COL4A4: variants seen among roughly 807,000 people sequenced by gnomAD.
COL4A4 encodes the protein collagen alpha-4(IV) chain.
In COL4A4, 105 loss-of-function variants were observed where a neutral mutation model predicts 192.9. That is an observed-to-expected ratio of 0.54 (90% CI 0.46 to 0.64). COL4A4 has a LOEUF of 0.64. Ranked by LOEUF, COL4A4 falls within the 30% of genes least tolerant of loss-of-function variation. The probability of loss-of-function intolerance (pLI) is 0.00; values close to 1 mark genes in which losing one functional copy is unlikely to be tolerated. For synonymous variants in COL4A4, 762 were observed against 769.9 expected (o/e 0.99, Z 0.17); for missense variants, 1,967 against 2,169.3 (o/e 0.91, Z 1.85).
In COL4A4 at chr2:227,089,884, G is replaced by A. The variant is rs1204380807; in HGVS notation, c.1443C>T (p.Gly481=). The A allele has an allele frequency of 1.2e-6, 2 of 1,613,194 alleles. No individual in the cohort carries two copies. The highest frequency in any genetic ancestry group is 2.7e-5 in the African/African-American group (2 of 74,788). Residue 481 remains glycine (G), a synonymous_variant, in exon 21 of 48, where the codon GGC becomes GGT. Coordinates refer to ENST00000396625, the MANE Select transcript of COL4A4 (RefSeq NM_000092.5). ...KGKVGPPGGR[G]PKGEKGNEGL... is the part of the protein sequence containing the mutation. ...CCTACTTGCCTTTTTCTCCTTTTGG[G>A]CCTCTTCCTCCTGGGGGACCAACTT... is the stretch of plus-strand genomic sequence containing the variant.
intron 37 of COL4A4, among the ~76,000 whole-genome samples, chr2:227,041,822 A>C (rs1253577452): frequency 2.5e-5 from 1 of 39,800 alleles, no homozygotes. Flanking sequence ...GAAAGAAAGA[A>C]AGAAAGAAAG....
intron 12 of COL4A4, 137 bp from the exon 13 acceptor site, chr2:227,104,189 G>C: frequency 1.3e-6 from 1 of 745,410 alleles, no homozygotes; most frequent in Non-Finnish European, 2.4e-6. Flanking sequence ...GTACATCATA[G>C]AATATAAAAG....
At chr2:227,069,143 AG>A (rs1385816783) in intron 25 of COL4A4, among the ~76,000 whole-genome samples, 1 of 139,714 alleles carries the variant, frequency 7.2e-6, no homozygotes, top group Non-Finnish European at 1.6e-5. Flanking sequence ...TAAAATACCT[AG>A]GAATCCAACT....
At chr2:227,096,827 A>C (rs920128669) in intron 19 of COL4A4, among the ~76,000 whole-genome samples, 1 of 152,178 alleles carries the variant, frequency 6.6e-6, no homozygotes, top group African/African-American at 2.4e-5. Flanking sequence ...ACTAAATGCT[A>C]AGGTGGGATT....
the COL4A4 span, among the ~76,000 whole-genome samples, chr2:226,983,992 A>C: frequency 6.6e-6 from 1 of 152,236 alleles, no homozygotes; most frequent in African/African-American, 2.4e-5. Flanking sequence ...CTGCTCGTAT[A>C]GGAGGGTGAG....
chr2:227,012,541 T>C (rs1963969648), intron 44 of COL4A4, among the ~76,000 whole-genome samples: 1 of 146,702 alleles, frequency 6.8e-6, no homozygotes, highest in Non-Finnish European at 1.5e-5. Context: ...AGTGATCCCA[T>C]AAAGGGCTAG....
At chr2:227,037,216 C>T (rs931149604) in intron 37 of COL4A4, among the ~76,000 whole-genome samples, 1 of 152,136 alleles carries the variant, frequency 6.6e-6, no homozygotes, top group Non-Finnish European at 1.5e-5. Context: ...GGTATTTCTC[C>T]TAATGCTATC....
rs1422059045 is a variant in COL4A4, at chr2:227,059,477, C to T, written c.2311G>A (p.Gly771Arg). Reference sequence around the variant, plus strand: ...GGCACTCCTGAAAGACCCCTCTTTCCCGGGGGTCCCAGGTGACCAAATGCA... The same window carrying T: ...GGCACTCCTGAAAGACCCCTCTTTCTCGGGGGTCCCAGGTGACCAAATGCA... Reference protein sequence around the residue: ...DPAFGHLGPPGKRGLSGVPGI... With the variant: ...DPAFGHLGPPRKRGLSGVPGI... The change falls in exon 28 of 48, where the codon GGA becomes AGA. Residue 771 changes from glycine to arginine, a missense_variant. Physicochemically the swap from Gly to Arg is moderately radical, Grantham distance 125. Coordinates refer to ENST00000396625, the MANE Select transcript of COL4A4 (RefSeq NM_000092.5). 4 of 1,614,124 alleles carry T rather than the reference C, an allele frequency of 2.5e-6. No individual in the cohort carries two copies. Among genetic ancestry groups the T allele is most frequent in the East Asian group, 2.2e-5 (1 of 44,874 alleles).
At chr2:226,997,735 G>A (rs956920025), downstream of COL4A4, 4 of 152,128 alleles carry the variant, frequency 2.6e-5, no homozygotes, top group African/African-American at 4.8e-5. Flanking sequence ...ATTGTGATAC[G>A]CATGGCTGTT....
chr2:227,022,037 G>A lies in COL4A4; in HGVS notation c.4216+11C>T, dbSNP rs117468095. ...CATGAAAATAATGAACAATCAGCAT[G>A]CGGCTCATACCTGGTCCTGAGGGGC... On this transcript the variant is annotated intron_variant, in intron 44 of 47. Coordinates refer to ENST00000396625, the MANE Select transcript of COL4A4 (RefSeq NM_000092.5). 1.3e-4 allele frequency: 202 copies of A among 1,611,850 alleles called. No homozygotes were observed. The East Asian group carries it at 4.0e-3, about 32-fold the overall frequency.
rs1380965387 is a variant in COL4A4 at position 227,077,926 on chromosome 2, A to G, written c.1955T>C (p.Val652Ala). 6.2e-7 allele frequency: 1 copy of G among 1,613,364 alleles called. No individual in the cohort carries two copies. The highest frequency in any genetic ancestry group is 1.3e-5 in the African/African-American group (1 of 74,896). Residue 652 changes from valine to alanine, a missense_variant, in exon 25 of 48, where the codon GTG becomes GCG. Transcript: ENST00000396625. ...ACCCTTCAAGCCATCAGGGCCCCTCACACCTGGGTGGCCTGGAACTCCTGG... is the reference window on the plus strand; with the variant it reads ...ACCCTTCAAGCCATCAGGGCCCCTCGCACCTGGGTGGCCTGGAACTCCTGG... ...GHPGVPGHPG[V>A]RGPDGLKGQK...
intron 25 of COL4A4, among the ~76,000 whole-genome samples, chr2:227,073,522 T>C (rs772585509): frequency 8.5e-5 from 13 of 152,090 alleles, no homozygotes; most frequent in Non-Finnish European, 1.6e-4. Flanking sequence ...CACATCATTT[T>C]TCATAGAATT....
chr2:226,978,959 A>G, the COL4A4 span, among the ~76,000 whole-genome samples: 1 of 152,170 alleles, frequency 6.6e-6, no homozygotes, highest in African/African-American at 2.4e-5. Context: ...AGAGTTCTTC[A>G]GAGGGACAGA....
rs1034020431 is a variant in COL4A4 at position 227,106,888 on chromosome 2, C to A, written c.735+1693G>T. Among the ~76,000 whole-genome samples, 13 of 152,208 alleles carry A rather than the reference C, an allele frequency of 8.5e-5. 1 individual carries two copies. The highest frequency in any genetic ancestry group is 1.3e-4 in the Admixed American group (2 of 15,280). ...GCCCAAAATTGTAAAATTATGTGTTCATTCACCTGACAATCTAAAAGAATT... is the reference window on the plus strand; with the variant it reads ...GCCCAAAATTGTAAAATTATGTGTTAATTCACCTGACAATCTAAAAGAATT... On this transcript the variant is annotated intron_variant, in intron 12 of 47. Transcript: ENST00000396625.
intron 4 of COL4A4, among the ~76,000 whole-genome samples, chr2:227,134,923 T>G (rs920199792): frequency 6.6e-6 from 1 of 152,248 alleles, no homozygotes; most frequent in Admixed American, 6.5e-5. Context: ...CTGTGGACAG[T>G]GTCTTTATTA....
intron 4 of COL4A4, among the ~76,000 whole-genome samples, chr2:227,132,718 G>A (rs1024001374): frequency 6.6e-6 from 1 of 152,168 alleles, no homozygotes; most frequent in African/African-American, 2.4e-5. Context: ...GGAAGTTGCA[G>A]TGAGCCAAGA....
At chr2:227,010,804 TAAG>T (rs1464812942) in intron 45 of COL4A4, among the ~76,000 whole-genome samples, 1 of 151,856 alleles carries the variant, frequency 6.6e-6, no homozygotes, top group Non-Finnish European at 1.5e-5. Context: ...GAGAGAGAAA[TAAG>T]AAACAATAAG....
chr2:227,109,236 C>A lies in COL4A4; in HGVS notation c.645G>T (p.Glu215Asp). Residue 215 changes from glutamate (E) to aspartate (D), a missense_variant, in exon 10 of 48, where the codon GAG becomes GAT. Transcript: ENST00000396625. Reference sequence around the variant, plus strand: ...GTGCTGTACTTACCACTAACCCTGGCTCTCCAGGATATCCTGTGGGACCTG... The same window carrying A: ...GTGCTGTACTTACCACTAACCCTGGATCTCCAGGATATCCTGTGGGACCTG... The part of the protein sequence containing the change: ...GPAGPTGYPG[E>D]PGLVGPPGQP... 6.2e-7 allele frequency: 1 copy of A among 1,614,016 alleles called. No homozygotes were observed. Among genetic ancestry groups the A allele is most frequent in the Non-Finnish European group, 8.5e-7 (1 of 1,179,850 alleles).
chr2:227,028,393 G>C (rs531662743), intron 41 of COL4A4, among the ~76,000 whole-genome samples: 1 of 152,132 alleles, frequency 6.6e-6, no homozygotes, highest in South Asian at 2.1e-4. Flanking sequence ...CACTCTCTTA[G>C]TTTTAGGCAC....
Sources: gnomAD v4.1 joint callset for allele counts (sites outside exome capture counted in the v4.1 genomes callset) on GRCh38, gnomAD v4.1.1 for gene constraint, MANE v1.5 for transcripts, NCBI Gene and HGNC (gene_info 2026-07-23, HGNC 2026-07-21) for gene names.